The following FNBP1 variants were observed in gnomAD, a reference collection of about 807,000 sequenced individuals.
The protein encoded by FNBP1 is formin-binding protein 1.
Under a neutral mutation model 90.6 loss-of-function variants are expected in FNBP1, and 26 were observed. That is an observed-to-expected ratio of 0.29 (90% CI 0.21 to 0.40). The LOEUF (loss-of-function observed/expected upper bound fraction) is 0.40. Ranked by LOEUF, FNBP1 falls within the 10% of genes least tolerant of loss-of-function variation. The pLI, the probability that FNBP1 is intolerant of heterozygous loss-of-function variation, is 1.00. For synonymous variants in FNBP1, 260 were observed against 265.2 expected (o/e 0.98, Z 0.19); for missense variants, 635 against 768.0 (o/e 0.83, Z 2.05).
chr9:130,031,807 G>A lies in FNBP1; in HGVS notation c.24+11145C>T, dbSNP rs927503773. 4.3e-4 allele frequency among the ~76,000 whole-genome samples: 66 copies of A among 151,810 alleles called. No individual in the cohort carries two copies. Among genetic ancestry groups the A allele is most frequent in the Non-Finnish European group, 1.0e-4 (7 of 67,960 alleles). On this transcript the variant is annotated intron_variant, in intron 1 of 16. Transcript: ENST00000446176. The surrounding 1 kb of genome is among the most constrained non-coding windows in gnomAD (Gnocchi z 4.2). The stretch of plus-strand genomic sequence containing the variant: ...CTCCCGAGTAGCTGGGATTACAGGC[G>A]AGCGCCATCATGCCTGGCTAAGTTT...
intron 1 of FNBP1, among the ~76,000 whole-genome samples, chr9:130,020,187 T>C (rs770169903): frequency 1.1e-4 from 16 of 152,172 alleles, no homozygotes; most frequent in Non-Finnish European, 1.8e-4. Flanking sequence ...ATCAGAGGAC[T>C]CCAGAATGGT....
In FNBP1 at chr9:129,940,507, C is replaced by T. The variant is rs909040860; in HGVS notation, c.514-10812G>A. Among the ~76,000 whole-genome samples, 19 of 151,862 alleles carry T rather than the reference C, an allele frequency of 1.3e-4. No individual in the cohort carries two copies. The South Asian group carries it at 2.5e-3, about 20-fold the overall frequency. The stretch of plus-strand genomic sequence containing the variant: ...AATCTATGAAAAAGAAGTTATGAGG[C>T]GTGGGGAACAGAATGAGAAATTTCA... On this transcript the variant is annotated intron_variant, in intron 6 of 16. Transcript: ENST00000446176.
At chr9:129,986,060 C>T (rs1272591702) in intron 2 of FNBP1, among the ~76,000 whole-genome samples, 10 of 150,572 alleles carry the variant, frequency 6.6e-5, no homozygotes, top group African/African-American at 2.4e-4. Context: ...TGCTTGAACC[C>T]GGGAGGCTGA....
intron 10 of FNBP1, among the ~76,000 whole-genome samples, chr9:129,921,454 C>T (rs921286118): frequency 1.3e-5 from 2 of 151,484 alleles, no homozygotes; most frequent in East Asian, 1.9e-4. Flanking sequence ...AGTGCAATAG[C>T]GTGATCTTGG....
intron 1 of FNBP1, among the ~76,000 whole-genome samples, chr9:130,001,545 G>C (rs907709308): frequency 1.3e-5 from 2 of 152,000 alleles, no homozygotes; most frequent in East Asian, 1.9e-4. Context: ...GAGGTCCAGG[G>C]ACTGCACTTT....
At chr9:130,015,151 C>T (rs544975749) in intron 1 of FNBP1, among the ~76,000 whole-genome samples, 2 of 152,116 alleles carry the variant, frequency 1.3e-5, no homozygotes, top group South Asian at 4.2e-4. Context: ...ACACATACAC[C>T]CATCCATTCT....
At chr9:130,003,902 C>A (rs1310430703) in intron 1 of FNBP1, among the ~76,000 whole-genome samples, 4 of 106,622 alleles carry the variant, frequency 3.8e-5, no homozygotes, top group African/African-American at 1.1e-4. Context: ...CCAGCCTGGG[C>A]GACAGAGCGA....
chr9:130,053,729 C>T, the FNBP1 span: 1 of 588,260 alleles, frequency 1.7e-6, no homozygotes, highest in Non-Finnish European at 3.0e-6. Flanking sequence ...AACTGAAAGT[C>T]TGCACAGGAG....
At chr9:130,009,675 G>A (rs974017122) in intron 1 of FNBP1, among the ~76,000 whole-genome samples, 1 of 152,150 alleles carries the variant, frequency 6.6e-6, no homozygotes, top group Admixed American at 6.6e-5. Flanking sequence ...GGTGGCATGG[G>A]CCTGTAGTCT....
intron 4 of FNBP1, among the ~76,000 whole-genome samples, chr9:129,977,405 T>C (rs2050497065): frequency 1.3e-5 from 2 of 151,956 alleles, no homozygotes; most frequent in Non-Finnish European, 2.9e-5. Context: ...CTTCATTAGA[T>C]AGCAATGAAT....
At position 129,890,584 on chromosome 9, in the gene FNBP1, T is replaced by C; in HGVS notation, c.1847-38A>G. The C allele has an allele frequency of 1.3e-6, 2 of 1,561,642 alleles. No individual in the cohort carries two copies. Among genetic ancestry groups the C allele is most frequent in the East Asian group, 2.4e-5 (1 of 41,894 alleles). ...GAGAAACAGAAAGAGAAACTCTCTG[T>C]TAGAGAGGAAGGCGCGGGTTCCAGG... On this transcript the variant is annotated intron_variant, in intron 16 of 16. Transcript: ENST00000446176. The surrounding 1 kb of genome is among the most constrained non-coding windows in gnomAD (Gnocchi z 5.8).
At chr9:130,015,796 T>A (rs1012587144) in intron 1 of FNBP1, among the ~76,000 whole-genome samples, 1 of 152,202 alleles carries the variant, frequency 6.6e-6, no homozygotes, top group African/African-American at 2.4e-5. Flanking sequence ...CACCTCAGCC[T>A]CCTGAGTAGC....
At position 129,910,350 on chromosome 9, in the gene FNBP1, C is replaced by T. The variant is rs564991934; in HGVS notation, c.1186-1351G>A. Among the ~76,000 whole-genome samples the T allele has an allele frequency of 3.9e-4, 60 of 151,976 alleles. 1 individual carries two copies. Among genetic ancestry groups the T allele is most frequent in the African/African-American group, 1.4e-3 (57 of 41,450 alleles). ...ATAAAAAACTAGCTGGGCGTGGTGG[C>T]GAGCGCCTATAATCCCAGCTACTTG... On this transcript the variant is annotated intron_variant, in intron 11 of 16. Transcript: ENST00000446176.
chr9:130,017,983 G>C (rs7874329), intron 1 of FNBP1, among the ~76,000 whole-genome samples: 93,893 of 137,370 alleles, frequency 0.68, 32,801 homozygotes, highest in East Asian at 0.83. Flanking sequence ...GTGCAATCTC[G>C]GCTCACTGCA....
At position 130,043,042 on chromosome 9, in the gene FNBP1, T is replaced by C. The variant is rs1248884010; in HGVS notation, c.-67A>G. The C allele has an allele frequency of 1.1e-4, 132 of 1,216,906 alleles. No homozygotes were observed. The highest frequency in any genetic ancestry group is 1.3e-4 in the Non-Finnish European group (127 of 976,932). The allele number at this position is 1,216,906 out of a possible 1,614,324, so 75.4% of individuals were successfully genotyped here. A position where few individuals can be genotyped will look rare whatever the true frequency, so the allele number is the denominator to read the frequency against. On this transcript the variant is annotated 5_prime_UTR_variant, in exon 1 of 17. Coordinates refer to ENST00000446176, the MANE Select transcript of FNBP1 (RefSeq NM_015033.3). ...GCTCTCTGGTCCCCCTCCCCGGCGA[T>C]CCCTTTGCCCCCCGAGATCCCCGCG...
intron 2 of FNBP1, among the ~76,000 whole-genome samples, chr9:129,983,628 T>C (rs1436113626): frequency 6.6e-6 from 1 of 152,082 alleles, no homozygotes; most frequent in African/African-American, 2.4e-5. Context: ...CTGGCCAACA[T>C]GGTGAAACCC....
intron 11 of FNBP1, among the ~76,000 whole-genome samples, chr9:129,915,180 A>G (rs2040070409): frequency 6.6e-6 from 1 of 151,866 alleles, no homozygotes; most frequent in Admixed American, 6.6e-5. Flanking sequence ...ACAGTCTTCC[A>G]TTCCCACAGG....
intron 6 of FNBP1, among the ~76,000 whole-genome samples, chr9:129,939,922 C>T (rs2044078986): frequency 6.6e-6 from 1 of 152,022 alleles, no homozygotes; most frequent in Non-Finnish European, 1.5e-5. Flanking sequence ...AACAACAGGC[C>T]AGGCACAGCG....
chr9:130,051,315 G>A, the FNBP1 span, among the ~76,000 whole-genome samples: 1 of 152,162 alleles, frequency 6.6e-6, no homozygotes, highest in Non-Finnish European at 1.5e-5. Flanking sequence ...GGGATTACAG[G>A]CATGAGACAC....
Sources: allele counts gnomAD v4.1 joint callset (sites outside exome capture counted in the v4.1 genomes callset), GRCh38; gene constraint gnomAD v4.1.1; non-coding constraint Gnocchi (gnomAD v3.1); transcripts MANE v1.5; gene names NCBI Gene and HGNC (gene_info 2026-07-23, HGNC 2026-07-21).